Variants in EVC2 observed in about 807,000 individuals in gnomAD.
EVC2 encodes the protein EvC ciliary complex subunit 2.
A neutral mutation model predicts 149.3 loss-of-function variants in EVC2; 148 were observed. The ratio of observed to expected loss-of-function variants is 0.99; its 90% CI spans 0.87 to 1.14. The LOEUF (loss-of-function observed/expected upper bound fraction) is 1.14. Among genes scored for constraint, EVC2 ranks in the 50% most tolerant of loss-of-function variants. The pLI, the probability that EVC2 is intolerant of heterozygous loss-of-function variation, is 0.00. For synonymous variants in EVC2, 776 were observed against 649.9 expected (o/e 1.19, Z -2.95); for missense variants, 1,854 against 1,627.3 (o/e 1.14, Z -2.40).
At position 5,640,968 on chromosome 4, in the gene EVC2, C is replaced by T; in HGVS notation, c.1146-130G>A. On this transcript the variant is annotated intron_variant, in intron 9 of 21. Transcript: ENST00000344408. The surrounding 1 kb of genome is among the most constrained non-coding windows in gnomAD (Gnocchi z 4.6). ...TCTTCGTCTTCCTTTTCTTCCTTTC[C>T]CCGCTCACTTCTGCTTCATCCAGTT... 2 of 1,052,246 alleles carry T rather than the reference C, an allele frequency of 1.9e-6. No homozygotes were observed. The highest frequency in any genetic ancestry group is 2.9e-6 in the Non-Finnish European group (2 of 698,664). 65.2% of individuals were successfully genotyped at this position (1,052,246 alleles called of 1,614,324 possible). A position where few individuals can be genotyped will look rare whatever the true frequency, so the allele number is the denominator to read the frequency against.
At position 5,626,020 on chromosome 4, in the gene EVC2, T is replaced by A. The variant is rs1051238835; in HGVS notation, c.1887-112A>T. 6.9e-6 allele frequency: 9 copies of A among 1,308,092 alleles called. No homozygotes were observed. In the East Asian group the frequency reaches 1.6e-4, roughly 24 times the overall value. The allele number at this position is 1,308,092 out of a possible 1,614,324, so 81.0% of individuals were successfully genotyped here. ...TATTAGTTTGGTTTGAATCAGAAAA[T>A]CTTTACCCTCCAGAAGAATTACAAG... On this transcript the variant is annotated intron_variant, in intron 12 of 21. Transcript: ENST00000344408.
At position 5,665,547 on chromosome 4, in the gene EVC2, A is replaced by G. The variant is rs1467471693; in HGVS notation, c.973T>C (p.Cys325Arg). 22 of 1,614,058 alleles carry G rather than the reference A, an allele frequency of 1.4e-5. No individual in the cohort carries two copies. Among genetic ancestry groups the G allele is most frequent in the Non-Finnish European group, 1.7e-5 (20 of 1,180,046 alleles). Reference protein sequence around the residue: ...AALFLMVRYQCLKGNMLTRHR... With the variant: ...AALFLMVRYQRLKGNMLTRHR... ...CTGGTGAGCATGTTTCCCTTCAGAC[A>G]CTGATAGCGAACCATGAGGAAGAGG... Residue 325 changes from cysteine (C) to arginine (R), a missense_variant, in exon 8 of 22, where the codon TGT (cysteine) becomes CGT (arginine). By Grantham distance (180) the Cys-to-Arg change is radical. Coordinates refer to ENST00000344408, the MANE Select transcript of EVC2 (RefSeq NM_147127.5).
chr4:5,708,710 C>T, upstream of EVC2: 1 of 459,232 alleles, frequency 2.2e-6, no homozygotes. Context: ...CGAGTTGGCG[C>T]GGCCCAGGCG....
chr4:5,638,528 G>A (rs1034795935), intron 10 of EVC2, among the ~76,000 whole-genome samples: 4 of 152,118 alleles, frequency 2.6e-5, no homozygotes, highest in African/African-American at 9.7e-5. Context: ...GTGGGATGTT[G>A]AGCAGCACAG....
chr4:5,576,653 G>C lies in EVC2; in HGVS notation c.3058-199C>G, dbSNP rs963471955. The stretch of plus-strand genomic sequence containing the variant: ...TGTGTCACCTCCATGCCTCCACATA[G>C]GCCGTTCCCTCCACCTGCAGTGCCT... On this transcript the variant is annotated intron_variant, in intron 17 of 21. Coordinates refer to ENST00000344408, the MANE Select transcript of EVC2 (RefSeq NM_147127.5). This position sits in a 1 kb window ranked among gnomAD's most constrained non-coding sequence, Gnocchi z 4.5. Among the ~76,000 whole-genome samples, 2 of 152,138 alleles carry C rather than the reference G, an allele frequency of 1.3e-5. No homozygotes were observed. Among genetic ancestry groups the C allele is most frequent in the Non-Finnish European group, 2.9e-5 (2 of 68,028 alleles).
chr4:5,592,371 G>A lies in EVC2; in HGVS notation c.2830-7521C>T, dbSNP rs940425934. Among the ~76,000 whole-genome samples, 3 of 152,180 alleles carry A rather than the reference G, an allele frequency of 2.0e-5. No homozygotes were observed. In the East Asian group the frequency reaches 5.8e-4, roughly 29 times the overall value. ...GGGCCAAGGGATGGAGAATCTAGCGGTGCCACTAGCAACAACCTCCAGTGG... is the reference window on the plus strand; with the variant it reads ...GGGCCAAGGGATGGAGAATCTAGCGATGCCACTAGCAACAACCTCCAGTGG... On this transcript the variant is annotated intron_variant, in intron 16 of 21. Coordinates refer to ENST00000344408, the MANE Select transcript of EVC2 (RefSeq NM_147127.5).
intron 19 of EVC2, 108 bp downstream of exon 19, chr4:5,574,577 G>A: frequency 2.7e-6 from 3 of 1,121,656 alleles, no homozygotes; most frequent in Non-Finnish European, 4.1e-6. Context: ...AGGTTCCAAG[G>A]CTGGCTTTTC....
At chr4:5,599,436 T>C (rs1018329434) in intron 16 of EVC2, among the ~76,000 whole-genome samples, 34 of 152,028 alleles carry the variant, frequency 2.2e-4, no homozygotes, top group Admixed American at 1.6e-3. Context: ...ATGGATGAAA[T>C]TGGAAATCAT....
At position 5,669,955 on chromosome 4, in the gene EVC2, A is replaced by C. The variant is rs1024970679; in HGVS notation, c.871-4306T>G. Reference sequence around the variant, plus strand: ...TTACAATTCCTGCTTTCTGACACCAAGTAACAAGCAAACCTAGGTAGAGCC... The same window carrying C: ...TTACAATTCCTGCTTTCTGACACCACGTAACAAGCAAACCTAGGTAGAGCC... On this transcript the variant is annotated intron_variant, in intron 7 of 21. Coordinates refer to ENST00000344408, the MANE Select transcript of EVC2 (RefSeq NM_147127.5). Among the ~76,000 whole-genome samples the C allele has an allele frequency of 2.6e-5, 4 of 152,198 alleles. No individual in the cohort carries two copies. The South Asian group carries it at 8.3e-4, about 32-fold the overall frequency.
intron 21 of EVC2, among the ~76,000 whole-genome samples, chr4:5,546,405 G>A (rs1220161890): frequency 6.6e-6 from 1 of 152,158 alleles, no homozygotes; most frequent in Non-Finnish European, 1.5e-5. Context: ...ATGAGTTCAT[G>A]TCCTTTGTAG....
chr4:5,705,437 T>C (rs1008277563), intron 1 of EVC2, among the ~76,000 whole-genome samples: 2 of 152,200 alleles, frequency 1.3e-5, no homozygotes, highest in Non-Finnish European at 2.9e-5. Flanking sequence ...ATTATATTTA[T>C]CAACATTTAC....
At chr4:5,532,589 C>G in the EVC2 span, among the ~76,000 whole-genome samples, 1 of 152,168 alleles carries the variant, frequency 6.6e-6, no homozygotes, top group Non-Finnish European at 1.5e-5. Flanking sequence ...CCCACCTCAT[C>G]TGCCAGCAAG....
intron 14 of EVC2, among the ~76,000 whole-genome samples, chr4:5,620,668 G>A (rs538728731): frequency 1.8e-4 from 27 of 152,240 alleles, no homozygotes; most frequent in African/African-American, 6.3e-4. Context: ...ACTGTGAGTC[G>A]ATCCTCTTTA....
At chr4:5,616,754 G>A (rs1004555390) in intron 15 of EVC2, among the ~76,000 whole-genome samples, 2 of 152,208 alleles carry the variant, frequency 1.3e-5, no homozygotes, top group South Asian at 2.1e-4. Flanking sequence ...GCAAAAGCCT[G>A]ACCGTGCTGG....
chr4:5,700,902 T>C (rs529657433), intron 1 of EVC2, among the ~76,000 whole-genome samples: 1 of 152,352 alleles, frequency 6.6e-6, no homozygotes, highest in African/African-American at 2.4e-5. Context: ...CGATATGTGC[T>C]TATTGCAGCT....
chr4:5,585,858 G>GTATTT (rs1002121227), intron 16 of EVC2, among the ~76,000 whole-genome samples: 8 of 151,882 alleles, frequency 5.3e-5, no homozygotes, highest in East Asian at 1.9e-4. Flanking sequence ...TCTAGCTGTT[G>GTATTT]TATTTTATTT....
At chr4:5,654,575 C>A (rs1468186008) in intron 9 of EVC2, among the ~76,000 whole-genome samples, 1 of 152,212 alleles carries the variant, frequency 6.6e-6, no homozygotes. Flanking sequence ...GCAGTGCAGG[C>A]CAGCAGCCCA....
At chr4:5,699,981 A>C (rs1721727101) in intron 1 of EVC2, among the ~76,000 whole-genome samples, 1 of 151,944 alleles carries the variant, frequency 6.6e-6, no homozygotes, top group South Asian at 2.1e-4. Flanking sequence ...CCTCTACTAA[A>C]AATACACAAA....
intron 20 of EVC2, among the ~76,000 whole-genome samples, chr4:5,566,670 A>C (rs1722309462): frequency 6.6e-6 from 1 of 152,168 alleles, no homozygotes; most frequent in South Asian, 2.1e-4. Context: ...CCTGGCCATG[A>C]GGCTGGGCAA....
Sources: allele counts gnomAD v4.1 joint callset (sites outside exome capture counted in the v4.1 genomes callset), GRCh38; gene constraint gnomAD v4.1.1; non-coding constraint Gnocchi (gnomAD v3.1); transcripts MANE v1.5; gene names NCBI Gene and HGNC (gene_info 2026-07-23, HGNC 2026-07-21).